Variants in ANKS1B observed in about 807,000 individuals in gnomAD.
ANKS1B encodes ankyrin repeat and sterile alpha motif domain containing 1B.
ANKS1B carries 36 observed loss-of-function variants against 148.3 expected under a neutral mutation model. The ratio of observed to expected loss-of-function variants is 0.24; its 90% CI spans 0.19 to 0.32. The LOEUF (loss-of-function observed/expected upper bound fraction) is 0.32, where lower values mean the gene tolerates loss of function less well. ANKS1B is among the 10% of genes least tolerant of loss of function. The pLI, the probability that ANKS1B is intolerant of heterozygous loss-of-function variation, is 1.00. For synonymous variants in ANKS1B, 542 were observed against 560.8 expected (o/e 0.97, Z 0.47); for missense variants, 1,157 against 1,542.6 (o/e 0.75, Z 4.19).
At chr12:99,579,083 T>A (rs1328030862) in intron 9 of ANKS1B, among the ~76,000 whole-genome samples, 3 of 151,812 alleles carry the variant, frequency 2.0e-5, no homozygotes, top group Non-Finnish European at 4.4e-5. Context: ...AAGTTGACAA[T>A]AACAAGCAAT....
intron 9 of ANKS1B, among the ~76,000 whole-genome samples, chr12:99,567,521 T>C (rs983288171): frequency 6.6e-5 from 10 of 152,132 alleles, no homozygotes; most frequent in Admixed American, 2.0e-4. Context: ...CATATGGTTG[T>C]GTGATTTTCT....
At chr12:99,267,769 A>G (rs957817089) in intron 12 of ANKS1B, among the ~76,000 whole-genome samples, 6 of 152,330 alleles carry the variant, frequency 3.9e-5, no homozygotes, top group Admixed American at 1.3e-4. Context: ...TTTCCAGAAA[A>G]AGATGGAGCC....
intron 1 of ANKS1B, among the ~76,000 whole-genome samples, chr12:99,895,285 C>G (rs1427453325): frequency 6.7e-6 from 1 of 150,064 alleles, no homozygotes; most frequent in East Asian, 1.9e-4. Context: ...TCAGGGTTCT[C>G]CAGAGAAACA....
intron 8 of ANKS1B, among the ~76,000 whole-genome samples, chr12:99,719,096 G>A (rs1412241376): frequency 6.6e-6 from 1 of 152,126 alleles, no homozygotes; most frequent in Non-Finnish European, 1.5e-5. Flanking sequence ...TAGCCTTTCT[G>A]TCCAAACAAC....
intron 8 of ANKS1B, among the ~76,000 whole-genome samples, chr12:99,694,819 T>G (rs957166172): frequency 2.0e-5 from 3 of 152,188 alleles, no homozygotes; most frequent in Non-Finnish European, 4.4e-5. Context: ...GTGCCAAACT[T>G]CTTTCTTCAG....
rs11109707 is a variant in ANKS1B at position 99,040,536 on chromosome 12, G to A, written c.2778+12621C>T. 1.1e-4 allele frequency among the ~76,000 whole-genome samples: 16 copies of A among 152,226 alleles called. No individual in the cohort carries two copies. In the East Asian group the frequency reaches 2.9e-3, roughly 28 times the overall value. ...TGTTGCAAGACCAGCCTAGTGTACCGCCTTTCATGACACAATACATCTGTG... is the reference window on the plus strand; with the variant it reads ...TGTTGCAAGACCAGCCTAGTGTACCACCTTTCATGACACAATACATCTGTG... On this transcript the variant is annotated intron_variant, in intron 17 of 26. Coordinates refer to ENST00000683438, the MANE Select transcript of ANKS1B (RefSeq NM_001352186.2).
At chr12:99,483,463 T>C (rs987279348) in intron 10 of ANKS1B, among the ~76,000 whole-genome samples, 2 of 152,098 alleles carry the variant, frequency 1.3e-5, no homozygotes, top group African/African-American at 4.8e-5. Context: ...GTTTTCTTTT[T>C]TTTGTTGTGT....
At chr12:99,941,339 C>T (rs1466607384) in intron 1 of ANKS1B, among the ~76,000 whole-genome samples, 1 of 151,774 alleles carries the variant, frequency 6.6e-6, no homozygotes, top group Non-Finnish European at 1.5e-5. Flanking sequence ...AAAAGTATAT[C>T]TAAAAGTAAT....
At chr12:99,775,167 T>G (rs1784118692) in intron 7 of ANKS1B, among the ~76,000 whole-genome samples, 1 of 152,034 alleles carries the variant, frequency 6.6e-6, no homozygotes, top group African/African-American at 2.4e-5. Context: ...AAATAAAAAA[T>G]AAAAAATACT....
At chr12:99,229,888 G>C (rs1428935375) in intron 14 of ANKS1B, among the ~76,000 whole-genome samples, 1 of 151,666 alleles carries the variant, frequency 6.6e-6, no homozygotes, top group Non-Finnish European at 1.5e-5. Flanking sequence ...ATGTGCAAGG[G>C]GTATATTCTA....
intron 19 of ANKS1B, among the ~76,000 whole-genome samples, chr12:98,823,054 C>G (rs964778656): frequency 1.3e-5 from 2 of 152,174 alleles, no homozygotes; most frequent in African/African-American, 4.8e-5. Context: ...AAAAGGTGTA[C>G]AATACATCAG....
chr12:99,465,372 A>C (rs948075311), intron 10 of ANKS1B, among the ~76,000 whole-genome samples: 232 of 152,356 alleles, frequency 1.5e-3, no homozygotes, highest in Non-Finnish European at 2.9e-3. Context: ...GGCTAGGAAG[A>C]AACTGCATCA....
At chr12:99,776,362 C>G (rs145503168) in intron 6 of ANKS1B, among the ~76,000 whole-genome samples, 1 of 152,112 alleles carries the variant, frequency 6.6e-6, no homozygotes, top group Non-Finnish European at 1.5e-5. Context: ...GTAATCCTTA[C>G]AAAACTATGA....
chr12:99,862,117 C>T (rs2090114862), intron 1 of ANKS1B, among the ~76,000 whole-genome samples: 2 of 152,006 alleles, frequency 1.3e-5, no homozygotes, highest in Admixed American at 6.6e-5. Context: ...GTTGTATAAA[C>T]CATTTTTTAC....
At chr12:99,113,302 C>T (rs1332260300) in intron 15 of ANKS1B, among the ~76,000 whole-genome samples, 1 of 152,158 alleles carries the variant, frequency 6.6e-6, no homozygotes, top group Non-Finnish European at 1.5e-5. Flanking sequence ...GGCAGATGGT[C>T]AGGGTGAGAT....
At chr12:98,843,985 T>G (rs1338129454) in intron 17 of ANKS1B, among the ~76,000 whole-genome samples, 1 of 152,114 alleles carries the variant, frequency 6.6e-6, no homozygotes, top group Non-Finnish European at 1.5e-5. Flanking sequence ...AGGGGAGCAT[T>G]TGGTCAGAGA....
At chr12:99,571,713 T>C (rs1401302177) in intron 9 of ANKS1B, among the ~76,000 whole-genome samples, 1 of 152,138 alleles carries the variant, frequency 6.6e-6, no homozygotes, top group Non-Finnish European at 1.5e-5. Flanking sequence ...TCAATGATCA[T>C]AGAGCTGCTC....
At chr12:99,303,411 T>C (rs184132848) in intron 12 of ANKS1B, among the ~76,000 whole-genome samples, 42 of 152,254 alleles carry the variant, frequency 2.8e-4, no homozygotes, top group Admixed American at 1.3e-3. Flanking sequence ...CATTTATGTA[T>C]ATCTATCTAC....
chr12:99,092,871 C>A (rs1256623717), intron 15 of ANKS1B, among the ~76,000 whole-genome samples: 2 of 152,174 alleles, frequency 1.3e-5, no homozygotes, highest in Non-Finnish European at 2.9e-5. Context: ...AACCTTACAG[C>A]ACTCTTGTAA....
Sources: gnomAD v4.1 joint callset for allele counts (sites outside exome capture counted in the v4.1 genomes callset) on GRCh38, gnomAD v4.1.1 for gene constraint, MANE v1.5 for transcripts, NCBI Gene and HGNC (gene_info 2026-07-23, HGNC 2026-07-21) for gene names.